The following DGKB variants were observed in gnomAD, a reference collection of about 807,000 sequenced individuals.
DGKB encodes diacylglycerol kinase beta, also known as 90 kDa diacylglycerol kinase.
In DGKB, 67 loss-of-function variants were observed where a neutral mutation model predicts 114.3. The ratio of observed to expected loss-of-function variants is 0.59; its 90% CI spans 0.48 to 0.72. DGKB has a LOEUF of 0.72. Among genes scored for constraint, DGKB ranks in the 30% least tolerant of loss-of-function variants. The pLI, the probability that DGKB is intolerant of heterozygous loss-of-function variation, is 0.00. For synonymous variants in DGKB, 398 were observed against 323.1 expected (o/e 1.23, Z -2.49); for missense variants, 907 against 975.2 (o/e 0.93, Z 0.93).
chr7:14,754,731 C>G (rs903993542), intron 3 of DGKB, among the ~76,000 whole-genome samples: 1 of 152,134 alleles, frequency 6.6e-6, no homozygotes, highest in African/African-American at 2.4e-5. Flanking sequence ...TAATAACGTT[C>G]TTAACATTAT....
At chr7:14,661,041 AC>A (rs1451186646) in intron 13 of DGKB, among the ~76,000 whole-genome samples, 5 of 150,758 alleles carry the variant, frequency 3.3e-5, no homozygotes, top group African/African-American at 4.9e-5. Flanking sequence ...TACACCTTAT[AC>A]AAAAATCAAT....
chr7:14,421,468 T>A (rs939669726), intron 21 of DGKB, among the ~76,000 whole-genome samples: 15 of 152,084 alleles, frequency 9.9e-5, no homozygotes, highest in African/African-American at 3.6e-4. Flanking sequence ...AATAAATGAG[T>A]TATTGTTGTC....
chr7:14,612,037 C>T (rs1805637283), intron 16 of DGKB, among the ~76,000 whole-genome samples: 1 of 151,084 alleles, frequency 6.6e-6, no homozygotes, highest in Admixed American at 6.6e-5. Flanking sequence ...AAACTATTCC[C>T]TTTAATAAAG....
chr7:14,877,557 A>C (rs1249716597), intron 1 of DGKB, among the ~76,000 whole-genome samples: 1 of 152,228 alleles, frequency 6.6e-6, no homozygotes, highest in East Asian at 1.9e-4. Flanking sequence ...CTTTGTCTCA[A>C]AAAACAAAAA....
At chr7:14,858,718 G>C (rs1850534352) in intron 1 of DGKB, among the ~76,000 whole-genome samples, 1 of 152,150 alleles carries the variant, frequency 6.6e-6, no homozygotes, top group Admixed American at 6.6e-5. Context: ...CAGATCAGCA[G>C]AAAGCCGAGA....
At chr7:14,737,892 C>CAA (rs72307217) in intron 4 of DGKB, among the ~76,000 whole-genome samples, 1 of 104,584 alleles carries the variant, frequency 9.6e-6, no homozygotes. Context: ...GACTCCGTCT[C>CAA]AAAAAAAAAA....
At chr7:14,855,888 CT>C (rs994798149) in intron 1 of DGKB, among the ~76,000 whole-genome samples, 36 of 151,706 alleles carry the variant, frequency 2.4e-4, no homozygotes, top group African/African-American at 8.7e-4. Flanking sequence ...AAACATAAAA[CT>C]TTAACATGAA....
intron 2 of DGKB, among the ~76,000 whole-genome samples, chr7:14,792,096 G>C (rs372775550): frequency 3.3e-5 from 5 of 152,024 alleles, no homozygotes; most frequent in Admixed American, 3.3e-4. Context: ...TGTGCCTAGG[G>C]ATTTCTTTTT....
At chr7:14,535,532 A>T (rs1346577864) in intron 20 of DGKB, among the ~76,000 whole-genome samples, 1 of 152,164 alleles carries the variant, frequency 6.6e-6, no homozygotes, top group African/African-American at 2.4e-5. Flanking sequence ...AGAACAGAAA[A>T]AAATGAAATA....
intron 2 of DGKB, among the ~76,000 whole-genome samples, chr7:14,832,909 G>A (rs1350419951): frequency 4.0e-5 from 6 of 151,706 alleles, no homozygotes; most frequent in South Asian, 2.1e-4. Context: ...TCCAAGTATC[G>A]AATTTATATC....
chr7:14,681,110 CA>C (rs11350983), intron 12 of DGKB, among the ~76,000 whole-genome samples: 70,566 of 140,160 alleles, frequency 0.5, 16,898 homozygotes, highest in East Asian at 0.82. Flanking sequence ...AAATGCTTAG[CA>C]AAAAAAAAAA....
chr7:14,548,875 T>C (rs1160960286), intron 20 of DGKB, among the ~76,000 whole-genome samples: 1 of 151,490 alleles, frequency 6.6e-6, no homozygotes, highest in Non-Finnish European at 1.5e-5. Context: ...AATGATAAAA[T>C]GACAGGATTT....
intron 13 of DGKB, among the ~76,000 whole-genome samples, chr7:14,634,932 T>C (rs1283942649): frequency 1.3e-5 from 2 of 151,608 alleles, no homozygotes; most frequent in Admixed American, 6.6e-5. Context: ...AATACTATTG[T>C]TGTCTTTATT....
chr7:14,164,567 TAA>T (rs1562508687), intron 25 of DGKB, among the ~76,000 whole-genome samples: 2 of 152,222 alleles, frequency 1.3e-5, no homozygotes, highest in African/African-American at 4.8e-5. Context: ...AGTTTTAACA[TAA>T]TTTTCTTTTT....
In DGKB at chr7:14,534,903, C is replaced by G. The variant is rs1490753525; in HGVS notation, c.1770+39309G>C. 2.6e-5 allele frequency among the ~76,000 whole-genome samples: 4 copies of G among 152,124 alleles called. No individual in the cohort carries two copies. The East Asian group carries it at 7.8e-4, about 30-fold the overall frequency. ...AATTGCAGAAAGAAAACTGAACAATCACAAATGCATGTGAATAAAATAAAC... is the reference window on the plus strand; with the variant it reads ...AATTGCAGAAAGAAAACTGAACAATGACAAATGCATGTGAATAAAATAAAC... On this transcript the variant is annotated intron_variant, in intron 20 of 25. Coordinates refer to ENST00000402815, the MANE Select transcript of DGKB (RefSeq NM_001350709.2).
intron 21 of DGKB, among the ~76,000 whole-genome samples, chr7:14,410,811 C>G (rs942868880): frequency 6.9e-6 from 1 of 145,194 alleles, no homozygotes; most frequent in Non-Finnish European, 1.5e-5. Flanking sequence ...AAAGATAAGA[C>G]TAGATAACCC....
At chr7:14,912,241 C>T (rs1363364092) in intron 1 of DGKB, among the ~76,000 whole-genome samples, 2 of 152,130 alleles carry the variant, frequency 1.3e-5, no homozygotes, top group East Asian at 3.8e-4. Context: ...TGTTTCATAT[C>T]TAGATCTCCA....
intron 2 of DGKB, among the ~76,000 whole-genome samples, chr7:14,765,518 AT>A (rs1836320396): frequency 1.3e-5 from 2 of 151,844 alleles, no homozygotes; most frequent in South Asian, 4.1e-4. Context: ...TCTTTCTTGT[AT>A]TTGCTGGTAA....
intron 23 of DGKB, among the ~76,000 whole-genome samples, chr7:14,295,217 A>C (rs1294993910): frequency 6.6e-6 from 1 of 152,168 alleles, no homozygotes; most frequent in Non-Finnish European, 1.5e-5. Flanking sequence ...TATAGAAAGG[A>C]AATCATACAA....
Sources: allele counts gnomAD v4.1 joint callset (sites outside exome capture counted in the v4.1 genomes callset), GRCh38; gene constraint gnomAD v4.1.1; transcripts MANE v1.5; gene names NCBI Gene and HGNC (gene_info 2026-07-23, HGNC 2026-07-21).